Variants in SLC5A6 observed in about 807,000 individuals in gnomAD.
The protein encoded by SLC5A6 is solute carrier family 5 member 6.
Under a neutral mutation model 67.9 loss-of-function variants are expected in SLC5A6, and 31 were observed. The ratio of observed to expected loss-of-function variants is 0.46; its 90% confidence interval spans 0.34 to 0.62. The LOEUF (loss-of-function observed/expected upper bound fraction) is 0.62, where lower values mean the gene tolerates loss of function less well. Ranked by LOEUF, SLC5A6 falls within the 20% of genes least tolerant of loss-of-function variation. SLC5A6 has a pLI of 0.01. For missense variants in SLC5A6, 673 were observed against 812.8 expected, an observed-to-expected ratio of 0.83 and a Z score of 2.09; for synonymous variants, 343 against 331.0, an observed-to-expected ratio of 1.04 and a Z score of -0.39.
At chr2:27,204,669 G>A in intron 8 of SLC5A6, 79 bp from the exon 9 acceptor site, 54 of 1,600,176 alleles carry the variant, frequency 3.4e-5, no homozygotes, top group Non-Finnish European at 4.5e-5. Flanking sequence ...CTCCAGAAAG[G>A]AGACCCACAT....
At chr2:27,200,606 A>T (rs779817522) in intron 16 of SLC5A6, 27 bp from the exon 17 acceptor site, 1 of 1,600,868 alleles carries the variant, frequency 6.2e-7, no homozygotes, top group Non-Finnish European at 8.5e-7. Flanking sequence ...AAAGGGGTGG[A>T]ACTGGTGAAG....
chr2:27,206,985 G>A lies in SLC5A6; in HGVS notation c.394-43C>T, dbSNP rs367815335. The A allele has an allele frequency of 4.1e-5, 61 of 1,491,236 alleles. No homozygotes were observed. The African/African-American group carries it at 4.7e-4, about 11-fold the overall frequency. The allele number at this position is 1,491,236 out of a possible 1,614,324, so 92.4% of individuals were successfully genotyped here. On this transcript the variant is annotated intron_variant, in intron 3 of 16. Coordinates refer to ENST00000310574, the MANE Select transcript of SLC5A6 (RefSeq NM_021095.4). Reference sequence around the variant, plus strand: ...AAGATTTTTCTCCTGACTTCACCCCGACAACTCACAGACAAATTCCCTCAA... The same window carrying A: ...AAGATTTTTCTCCTGACTTCACCCCAACAACTCACAGACAAATTCCCTCAA...
intron 7 of SLC5A6, 128 bp from the exon 8 acceptor site, chr2:27,205,059 G>T: frequency 1.8e-6 from 2 of 1,119,832 alleles, no homozygotes; most frequent in Non-Finnish European, 2.6e-6. Context: ...GACACTGAAA[G>T]CAAGAAGCTG....
intron 16 of SLC5A6, 51 bp from the exon 17 acceptor site, chr2:27,200,630 G>A: frequency 1.0e-5 from 16 of 1,562,376 alleles, no homozygotes; most frequent in Non-Finnish European, 1.4e-5. Context: ...GATGACGGGT[G>A]CTTGACAGGA....
intron 9 of SLC5A6, 81 bp downstream of exon 9, chr2:27,204,380 T>A: frequency 6.8e-7 from 1 of 1,478,064 alleles, no homozygotes; most frequent in Non-Finnish European, 9.1e-7. Context: ...GAGTCCTTTC[T>A]GCAGTCAGTC....
chr2:27,202,691 A>G, intron 12 of SLC5A6, 122 bp downstream of exon 12: 2 of 856,112 alleles, frequency 2.3e-6, no homozygotes, highest in South Asian at 2.7e-5. Context: ...GGTCCATCAA[A>G]GGGGAATCTC....
rs1673589590 is a variant in SLC5A6, at chr2:27,201,033, AG to A, written c.1728del (p.Cys577ValfsTer75). ...LPKLLSLLPL[S>X]CQKRLHCRSY... is the part of the protein sequence containing the mutation. ...CTCCTGCAGTGGAGCCGCTTCTGAC[AG>A]GACAACGGAAGGAGGGACAGGAGCT... On this transcript the variant is annotated frameshift_variant, in exon 16 of 17. Coordinates refer to ENST00000310574, the MANE Select transcript of SLC5A6 (RefSeq NM_021095.4). LOFTEE classifies it low-confidence loss of function (END_TRUNC). 1 of 1,613,844 alleles carries A rather than the reference AG, an allele frequency of 6.2e-7. No individual in the cohort carries two copies. The highest frequency in any genetic ancestry group is 1.3e-5 in the African/African-American group (1 of 75,024).
intron 10 of SLC5A6, 55 bp downstream of exon 10, chr2:27,203,724 G>T: frequency 7.5e-7 from 1 of 1,332,514 alleles, no homozygotes; most frequent in Non-Finnish European, 1.1e-6. Context: ...CCATCACCTT[G>T]TACCAAATAG....
intron 5 of SLC5A6, 21 bp downstream of exon 5, chr2:27,206,461 CA>C (rs766872117): frequency 3.1e-6 from 5 of 1,613,130 alleles, no homozygotes; most frequent in Non-Finnish European, 4.2e-6. Context: ...GGCTGAAAGC[CA>C]GGGGCTGTGT....
At chr2:27,206,673 T>C (rs1674091951) in intron 4 of SLC5A6, 139 bp from the exon 5 acceptor site, 2 of 980,178 alleles carry the variant, frequency 2.0e-6, no homozygotes, top group African/African-American at 1.6e-5. Context: ...TCTCAAATTC[T>C]GGCTTGCTGC....
chr2:27,209,765 ACTGG>A (rs1221566053), intron 2 of SLC5A6, among the ~76,000 whole-genome samples: 1 of 152,244 alleles, frequency 6.6e-6, no homozygotes, highest in Non-Finnish European at 1.5e-5. Flanking sequence ...TTGGGCAGAC[ACTGG>A]CTGGCTGGCA....
chr2:27,201,727 G>GGGAGA lies in SLC5A6; in HGVS notation c.1478_1482dup (p.Leu495SerfsTer7). ...GTGGCAACGGTTAGATTGGTGGGCA[G>GGGAGA]GGAGAAGCTGGACCCATTAGAGGGA... is the stretch of plus-strand genomic sequence containing the variant. On this transcript the variant is annotated frameshift_variant, in exon 14 of 17. Coordinates refer to ENST00000310574, the MANE Select transcript of SLC5A6 (RefSeq NM_021095.4). LOFTEE classifies it high-confidence loss of function. 6.8e-6 allele frequency: 11 copies of GGGAGA among 1,614,222 alleles called. No homozygotes were observed. The highest frequency in any genetic ancestry group is 9.3e-6 in the Non-Finnish European group (11 of 1,180,016).
intron 12 of SLC5A6, among the ~76,000 whole-genome samples, 183 bp downstream of exon 12, chr2:27,202,630 G>A (rs1382645271): frequency 6.6e-6 from 1 of 151,716 alleles, no homozygotes; most frequent in African/African-American, 2.4e-5. Flanking sequence ...CAACATCCCA[G>A]GAATGACCCT....
rs916998373 is a variant in SLC5A6 at position 27,203,387 on chromosome 2, T to C, written c.1095-42A>G. On this transcript the variant is annotated intron_variant, in intron 10 of 16. Transcript: ENST00000310574. ...GGATGAGGAGTTGAGCGAGGCAAAA[T>C]TGTCAGCTCTATGGGACTCTATGGA... The C allele has an allele frequency of 3.2e-6, 5 of 1,570,642 alleles. No individual in the cohort carries two copies. The African/African-American group carries it at 4.1e-5, about 13-fold the overall frequency.
At chr2:27,203,751 G>C (rs750563448) in intron 10 of SLC5A6, 28 bp downstream of exon 10, 1 of 1,551,914 alleles carries the variant, frequency 6.4e-7, no homozygotes, top group Non-Finnish European at 8.9e-7. Flanking sequence ...GGTGCACCAG[G>C]CCTGAGGGAA....
chr2:27,207,385 G>A lies in SLC5A6; in HGVS notation c.266C>T (p.Pro89Leu), dbSNP rs762381061. ...GGTCCCAAATCGGTAGATCTCTGAC[G>A]GCACACCCAGGATGGCCACGGCTGA... ...FQSAVAILGV[P>L]SEIYRFGTQY... The change falls in exon 3 of 17, where the codon CCG (proline) becomes CTG (leucine). Residue 89 changes from proline to leucine, a missense_variant. Physicochemically the swap from Pro to Leu is moderately conservative, Grantham distance 98 (BLOSUM62 -3). Transcript: ENST00000310574. This position sits in a 1 kb window ranked among gnomAD's most constrained non-coding sequence, Gnocchi z 5.5. 1.4e-5 allele frequency: 22 copies of A among 1,614,140 alleles called. No homozygotes were observed. The highest frequency in any genetic ancestry group is 2.2e-5 in the South Asian group (2 of 91,082).
In SLC5A6 at chr2:27,203,289, C is replaced by A; in HGVS notation, c.1151G>T (p.Arg384Leu). The change falls in exon 11 of 17, where the codon CGA becomes CTA. Residue 384 changes from arginine to leucine, a missense_variant. Coordinates refer to ENST00000310574, the MANE Select transcript of SLC5A6 (RefSeq NM_021095.4). The stretch of plus-strand genomic sequence containing the variant: ...TTCAGAGAACTCAGGGAACCAAGGT[C>A]GAATCAGGTCTTCCATCGTAACAGT... ...LATVTMEDLIRPWFPEFSEAR... is the reference protein window; with the variant it reads ...LATVTMEDLILPWFPEFSEAR... 6.2e-7 allele frequency: 1 copy of A among 1,614,016 alleles called. No homozygotes were observed. The highest frequency in any genetic ancestry group is 8.5e-7 in the Non-Finnish European group (1 of 1,179,984).
In SLC5A6 at chr2:27,201,017, T is replaced by A; in HGVS notation, c.1745A>T (p.His582Leu). 6.2e-7 allele frequency: 1 copy of A among 1,612,198 alleles called. No individual in the cohort carries two copies. The highest frequency in any genetic ancestry group is 1.3e-5 in the African/African-American group (1 of 74,954). The change falls in exon 16 of 17, where the codon CAC becomes CTC. Residue 582 changes from histidine (H) to leucine (L), a missense_variant. Transcript: ENST00000310574. ...TACTACCTGGCCGTAGCTCCTGCAG[T>A]GGAGCCGCTTCTGACAGGACAACGG... ...LLPLSCQKRL[H>L]CRSYGQDHLD... is the part of the protein sequence containing the mutation.
upstream of SLC5A6, chr2:27,212,529 C>T (rs986763902): frequency 3.3e-6 from 5 of 1,505,238 alleles, no homozygotes; most frequent in African/African-American, 2.9e-5. Context: ...GCGTCGCGCT[C>T]GCCAGCGGCT....
Sources: allele counts gnomAD v4.1 joint callset (sites outside exome capture counted in the v4.1 genomes callset), GRCh38; gene constraint gnomAD v4.1.1; non-coding constraint Gnocchi (gnomAD v3.1); transcripts MANE v1.5; gene names NCBI Gene and HGNC (gene_info 2026-07-23, HGNC 2026-07-21).